TRAPPC9: variants seen among roughly 807,000 people sequenced by gnomAD.
TRAPPC9 encodes IKK2 binding protein.
Under a neutral mutation model 124.0 loss-of-function variants are expected in TRAPPC9, and 83 were observed. The observed-to-expected ratio is 0.67, with a 90% CI of 0.56 to 0.80. The LOEUF (loss-of-function observed/expected upper bound fraction) is 0.80. TRAPPC9 is among the 30% of genes least tolerant of loss of function. The pLI is 0.00. For missense variants in TRAPPC9, 1,302 were observed against 1,508.3 expected, an observed-to-expected ratio of 0.86 and a Z score of 2.27; for synonymous variants, 638 against 617.5, an observed-to-expected ratio of 1.03 and a Z score of -0.49.
At chr8:139,736,239 C>T (rs570751155) in intron 21 of TRAPPC9, among the ~76,000 whole-genome samples, 18 of 152,330 alleles carry the variant, frequency 1.2e-4, no homozygotes, top group African/African-American at 4.1e-4. Flanking sequence ...TCTGCTCTGT[C>T]CCTGCTCCCA....
chr8:139,942,953 GCC>G (rs1834002107), intron 19 of TRAPPC9, among the ~76,000 whole-genome samples: 2 of 152,234 alleles, frequency 1.3e-5, no homozygotes, highest in African/African-American at 4.8e-5. Context: ...CATAGAATCT[GCC>G]CAGAGCTTTG....
At chr8:140,236,079 C>CTTTTT (rs765201850) in intron 16 of TRAPPC9, among the ~76,000 whole-genome samples, 5 of 111,712 alleles carry the variant, frequency 4.5e-5, no homozygotes, top group African/African-American at 6.9e-5. Flanking sequence ...ACTGTATTTC[C>CTTTTT]TTTTTTTTTT....
intron 17 of TRAPPC9, among the ~76,000 whole-genome samples, chr8:140,171,706 C>G (rs545022093): frequency 6.6e-6 from 1 of 152,088 alleles, no homozygotes; most frequent in Non-Finnish European, 1.5e-5. Context: ...ACAAAGGGAC[C>G]CCGTGGACCC....
chr8:139,945,803 C>G (rs561179311), intron 19 of TRAPPC9, among the ~76,000 whole-genome samples: 4 of 152,206 alleles, frequency 2.6e-5, no homozygotes, highest in African/African-American at 9.6e-5. Context: ...GGATGTATCT[C>G]CCTTGGTTGT....
At chr8:140,418,731 T>TAGAC (rs2070038411) in intron 5 of TRAPPC9, among the ~76,000 whole-genome samples, 3 of 115,324 alleles carry the variant, frequency 2.6e-5, no homozygotes, top group Admixed American at 2.1e-4. Context: ...AAAAGATAGA[T>TAGAC]AGATAGATAG....
chr8:140,164,198 T>A (rs1052221153), intron 17 of TRAPPC9, among the ~76,000 whole-genome samples: 12 of 152,190 alleles, frequency 7.9e-5, no homozygotes, highest in African/African-American at 2.9e-4. Flanking sequence ...TCTCTCCCAA[T>A]GCTTACAACC....
chr8:139,905,885 G>A (rs927131886), intron 20 of TRAPPC9, among the ~76,000 whole-genome samples: 1 of 152,038 alleles, frequency 6.6e-6, no homozygotes, highest in African/African-American at 2.4e-5. Flanking sequence ...ACGAGGTCAG[G>A]AGATTCAGAC....
chr8:139,888,323 C>A (rs1008700280), intron 20 of TRAPPC9, among the ~76,000 whole-genome samples: 2 of 152,202 alleles, frequency 1.3e-5, no homozygotes, highest in African/African-American at 4.8e-5. Flanking sequence ...GGCACCCCCA[C>A]GAATGAGCTT....
intron 5 of TRAPPC9, among the ~76,000 whole-genome samples, chr8:140,416,716 T>C (rs953836265): frequency 6.6e-6 from 1 of 152,180 alleles, no homozygotes; most frequent in African/African-American, 2.4e-5. Context: ...TTTAAAAAAC[T>C]ACTTTAAATT....
intron 21 of TRAPPC9, among the ~76,000 whole-genome samples, chr8:139,779,207 C>T (rs943406580): frequency 3.3e-5 from 5 of 152,016 alleles, no homozygotes; most frequent in African/African-American, 4.8e-5. Flanking sequence ...TCTTTAAGTG[C>T]GGGGTGGGCA....
intron 17 of TRAPPC9, among the ~76,000 whole-genome samples, chr8:140,167,306 C>G (rs552664870): frequency 1.9e-3 from 283 of 152,218 alleles, no homozygotes; most frequent in African/African-American, 6.5e-3. Context: ...GGTTGTGCCA[C>G]AGATTTTTAT....
At chr8:140,275,524 G>C in intron 15 of TRAPPC9, 134 bp downstream of exon 15, 1 of 990,448 alleles carries the variant, frequency 1.0e-6, no homozygotes, top group Non-Finnish European at 1.6e-6. Flanking sequence ...GTAAGCCCTC[G>C]CCTGACTTCT....
intron 17 of TRAPPC9, among the ~76,000 whole-genome samples, chr8:140,118,559 G>C (rs2060930608): frequency 6.6e-6 from 1 of 152,228 alleles, no homozygotes; most frequent in Non-Finnish European, 1.5e-5. Context: ...AAGGGGCTCA[G>C]GGCCCACTGG....
chr8:139,870,835 T>G (rs778305900), intron 21 of TRAPPC9, among the ~76,000 whole-genome samples: 14 of 152,222 alleles, frequency 9.2e-5, no homozygotes, highest in Non-Finnish European at 1.8e-4. Flanking sequence ...TGTGCATATT[T>G]TTTCTTTGCA....
chr8:140,424,854 C>A (rs796422043), intron 5 of TRAPPC9, among the ~76,000 whole-genome samples: 10 of 152,036 alleles, frequency 6.6e-5, no homozygotes, highest in African/African-American at 2.4e-4. Flanking sequence ...GTGAGGAAAG[C>A]GGGTAGGAAA....
intron 21 of TRAPPC9, among the ~76,000 whole-genome samples, chr8:139,753,651 C>T (rs553101960): frequency 6.2e-4 from 95 of 152,362 alleles, no homozygotes; most frequent in Admixed American, 2.1e-3. Context: ...CTTGATCATA[C>T]TCTCCTTGTT....
intron 16 of TRAPPC9, among the ~76,000 whole-genome samples, chr8:140,231,814 C>A (rs2063606340): frequency 6.6e-6 from 1 of 152,058 alleles, no homozygotes; most frequent in Admixed American, 6.6e-5. Flanking sequence ...ACCCTTTTCA[C>A]CTATTTAAGT....
At position 140,009,515 on chromosome 8, in the gene TRAPPC9, C is replaced by T. The variant is rs533747422; in HGVS notation, c.2699+14422G>A. ...ACCATCTTCCCCTTCTCACACACGACGTCCCCATTTCCACAGATTCTCAGG... is the reference window on the plus strand; with the variant it reads ...ACCATCTTCCCCTTCTCACACACGATGTCCCCATTTCCACAGATTCTCAGG... On this transcript the variant is annotated intron_variant, in intron 18 of 22. Transcript: ENST00000438773. Among the ~76,000 whole-genome samples, 9 of 152,332 alleles carry T rather than the reference C, an allele frequency of 5.9e-5. No individual in the cohort carries two copies. In the Middle Eastern group the frequency reaches 0.01, roughly 173 times the overall value.
chr8:140,440,106 C>T (rs1005611465), intron 2 of TRAPPC9, among the ~76,000 whole-genome samples: 1 of 152,172 alleles, frequency 6.6e-6, no homozygotes, highest in Non-Finnish European at 1.5e-5. Flanking sequence ...AAGATCACAA[C>T]GTAAGGCAGA....
Sources: allele counts gnomAD v4.1 joint callset (sites outside exome capture counted in the v4.1 genomes callset), GRCh38; gene constraint gnomAD v4.1.1; transcripts MANE v1.5; gene names NCBI Gene and HGNC (gene_info 2026-07-23, HGNC 2026-07-21).